The following WWOX variants were observed in gnomAD, a reference collection of about 807,000 sequenced individuals.
The protein encoded by WWOX is WW domain-containing oxidoreductase.
In WWOX, 69 loss-of-function variants were observed where a neutral mutation model predicts 46.2. The ratio of observed to expected loss-of-function variants is 1.49; its 90% CI spans 1.23 to 1.82. WWOX has a LOEUF of 1.82. WWOX is among the 40% of genes most tolerant of loss of function. WWOX has a pLI of 0.00. For synonymous variants in WWOX, 359 were observed against 202.6 expected, an observed-to-expected ratio of 1.77 and a Z score of -6.56; for missense variants, 919 against 542.6, an observed-to-expected ratio of 1.69 and a Z score of -6.89.
intron 8 of WWOX, among the ~76,000 whole-genome samples, chr16:78,493,397 A>G (rs1041160287): frequency 6.6e-6 from 1 of 152,332 alleles, no homozygotes; most frequent in East Asian, 1.9e-4. Context: ...GGCTTGATTT[A>G]TGCACACAAA....
intron 8 of WWOX, among the ~76,000 whole-genome samples, chr16:79,093,234 G>T (rs1376387866): frequency 6.6e-6 from 1 of 152,188 alleles, no homozygotes; most frequent in Non-Finnish European, 1.5e-5. Context: ...TTGGGAGGAG[G>T]TGGGGAGAGA....
intron 8 of WWOX, among the ~76,000 whole-genome samples, chr16:78,454,384 TATATGCATGTG>T (rs2079604614): frequency 6.6e-6 from 1 of 150,952 alleles, no homozygotes; most frequent in South Asian, 2.1e-4. Context: ...GTGTGTGTAT[TATATGCATGTG>T]TGTGTATTTG....
intron 5 of WWOX, among the ~76,000 whole-genome samples, chr16:78,173,850 C>G (rs373043285): frequency 6.6e-6 from 1 of 152,208 alleles, no homozygotes; most frequent in Non-Finnish European, 1.5e-5. Context: ...GCTGGAAGTC[C>G]GAGACGAGGG....
intron 8 of WWOX, among the ~76,000 whole-genome samples, chr16:78,792,751 G>A (rs2050638057): frequency 6.6e-6 from 1 of 152,146 alleles, no homozygotes; most frequent in South Asian, 2.1e-4. Flanking sequence ...GTTAGCCAAA[G>A]CAAAGAGTGG....
At chr16:78,750,521 G>C (rs1254369195) in intron 8 of WWOX, among the ~76,000 whole-genome samples, 1 of 152,100 alleles carries the variant, frequency 6.6e-6, no homozygotes, top group Non-Finnish European at 1.5e-5. Flanking sequence ...GGGGGTACAT[G>C]TGTAGGTCTG....
intron 8 of WWOX, among the ~76,000 whole-genome samples, chr16:78,863,410 C>A (rs539222321): frequency 7.9e-5 from 12 of 152,318 alleles, no homozygotes; most frequent in Non-Finnish European, 1.3e-4. Context: ...ATCTTAGAAT[C>A]TTCTGAAATA....
chr16:78,111,616 T>A (rs1163691562), intron 3 of WWOX, among the ~76,000 whole-genome samples: 2 of 152,266 alleles, frequency 1.3e-5, no homozygotes, highest in East Asian at 3.9e-4. Flanking sequence ...CTCCACCAGC[T>A]TCTTGTGGAA....
chr16:78,492,426 C>T (rs1040380156), intron 8 of WWOX, among the ~76,000 whole-genome samples: 3 of 152,152 alleles, frequency 2.0e-5, no homozygotes, highest in South Asian at 4.1e-4. Context: ...TAAAACTGAC[C>T]TCCCAGTGTG....
chr16:78,372,733 C>G (rs1213566768), intron 5 of WWOX, among the ~76,000 whole-genome samples: 1 of 152,108 alleles, frequency 6.6e-6, no homozygotes, highest in East Asian at 1.9e-4. Context: ...TATTTAATTT[C>G]TTAATAATCT....
intron 6 of WWOX, among the ~76,000 whole-genome samples, chr16:78,408,348 T>C (rs1304759936): frequency 1.3e-5 from 2 of 152,154 alleles, no homozygotes; most frequent in East Asian, 3.9e-4. Flanking sequence ...TACCCTCCAT[T>C]CTGAGTTAAT....
At chr16:79,108,627 C>T (rs547364328) in intron 8 of WWOX, among the ~76,000 whole-genome samples, 3 of 152,180 alleles carry the variant, frequency 2.0e-5, no homozygotes, top group African/African-American at 4.8e-5. Context: ...GTTATTCGGG[C>T]ATGGTGGCTC....
intron 8 of WWOX, among the ~76,000 whole-genome samples, chr16:79,210,440 G>A (rs981107887): frequency 4.6e-5 from 7 of 152,116 alleles, no homozygotes; most frequent in South Asian, 2.1e-4. Flanking sequence ...ACCCTGCAGG[G>A]GCAGAAAAAT....
intron 8 of WWOX, among the ~76,000 whole-genome samples, chr16:79,117,803 C>G (rs2049547517): frequency 6.6e-6 from 1 of 152,186 alleles, no homozygotes; most frequent in South Asian, 2.1e-4. Flanking sequence ...TGCTAGCTTC[C>G]AAGTTTTCTT....
chr16:79,026,670 T>G (rs555986945), intron 8 of WWOX, among the ~76,000 whole-genome samples: 2 of 140,910 alleles, frequency 1.4e-5, no homozygotes, highest in East Asian at 4.1e-4. Flanking sequence ...TAGGCTGCAG[T>G]GCAGTGGCGC....
chr16:78,325,843 T>C (rs2080599421), intron 5 of WWOX, among the ~76,000 whole-genome samples: 1 of 152,214 alleles, frequency 6.6e-6, no homozygotes, highest in African/African-American at 2.4e-5. Flanking sequence ...AACACACTCA[T>C]TGGGAGCTTT....
In WWOX at chr16:78,432,527, C is replaced by A. The variant is rs755444813; in HGVS notation, c.831C>A (p.Phe277Leu). Reference protein sequence around the residue: ...DINDSLGKLDFSRLSPTKNDY... With the variant: ...DINDSLGKLDLSRLSPTKNDY... ...ACGACTCCTTGGGAAAACTGGACTT[C>A]AGTCGCCTCTCTCCAACAAAAAACG... The change falls in exon 8 of 9, where the codon TTC becomes TTA. Residue 277 changes from phenylalanine (F) to leucine (L), a missense_variant. Coordinates refer to ENST00000566780, the MANE Select transcript of WWOX (RefSeq NM_016373.4). 3.1e-6 allele frequency: 5 copies of A among 1,614,092 alleles called. No homozygotes were observed. In the East Asian group the frequency reaches 8.9e-5, roughly 29 times the overall value.
chr16:78,507,993 CGTGCGTGTGTGTGTGTGTGTGT>C (rs2085258159), intron 8 of WWOX, among the ~76,000 whole-genome samples: 1 of 145,462 alleles, frequency 6.9e-6, no homozygotes, highest in African/African-American at 2.6e-5. Flanking sequence ...TTTTTGGTTG[CGTGCGTGTGTGTGTGTGTGTGT>C]GTGTGTGTGT....
At chr16:78,966,756 C>G (rs776096987) in intron 8 of WWOX, among the ~76,000 whole-genome samples, 1 of 152,156 alleles carries the variant, frequency 6.6e-6, no homozygotes, top group Admixed American at 6.5e-5. Flanking sequence ...GCTGATATCA[C>G]TGAAAATGGA....
In WWOX at chr16:78,935,300, C is replaced by G. The variant is rs1245886484; in HGVS notation, c.1057-276308C>G. 3.3e-5 allele frequency among the ~76,000 whole-genome samples: 5 copies of G among 152,254 alleles called. 1 individual carries two copies. Among genetic ancestry groups the G allele is most frequent in the African/African-American group, 9.6e-5 (4 of 41,538 alleles). Reference sequence around the variant, plus strand: ...TATCATGCTGCTATAAAGACACATGCACATGTATGTTTATTGCGGCACTAT... The same window carrying G: ...TATCATGCTGCTATAAAGACACATGGACATGTATGTTTATTGCGGCACTAT... On this transcript the variant is annotated intron_variant, in intron 8 of 8. Transcript: ENST00000566780.
Sources: allele counts gnomAD v4.1 joint callset (sites outside exome capture counted in the v4.1 genomes callset), GRCh38; gene constraint gnomAD v4.1.1; transcripts MANE v1.5; gene names NCBI Gene and HGNC (gene_info 2026-07-23, HGNC 2026-07-21).